MED12L: variants seen among roughly 807,000 people sequenced by gnomAD.
The protein encoded by MED12L is mediator of RNA polymerase II transcription subunit 12-like protein.
MED12L carries 60 observed loss-of-function variants against 281.3 expected under a neutral mutation model. The observed-to-expected ratio is 0.21, with a 90% CI of 0.17 to 0.26. MED12L has a LOEUF of 0.26. Ranked by LOEUF, MED12L falls within the 10% of genes least tolerant of loss-of-function variation. The pLI, the probability that MED12L is intolerant of heterozygous loss-of-function variation, is 1.00. For synonymous variants in MED12L, 974 were observed against 987.2 expected, an observed-to-expected ratio of 0.99 and a Z score of 0.25; for missense variants, 2,146 against 2,680.9, an observed-to-expected ratio of 0.80 and a Z score of 4.41.
intron 17 of MED12L, among the ~76,000 whole-genome samples, chr3:151,352,807 A>G (rs987439959): frequency 9.9e-5 from 15 of 152,128 alleles, no homozygotes; most frequent in Non-Finnish European, 1.3e-4. Flanking sequence ...ATATTAGTGA[A>G]GTTTACTATG....
intron 43 of MED12L, among the ~76,000 whole-genome samples, chr3:151,424,298 GTAC>G (rs1261191823): frequency 6.6e-6 from 1 of 152,200 alleles, no homozygotes; most frequent in East Asian, 1.9e-4. Context: ...ATTTGATATA[GTAC>G]TTTTTTCTTA....
chr3:151,353,560 A>G (rs1753512971), intron 17 of MED12L, among the ~76,000 whole-genome samples: 2 of 152,254 alleles, frequency 1.3e-5, no homozygotes, highest in African/African-American at 4.8e-5. Context: ...TTGTTAGGGA[A>G]TTAGAAAAGA....
chr3:151,323,897 A>G (rs1192996775), intron 16 of MED12L, among the ~76,000 whole-genome samples: 3 of 152,190 alleles, frequency 2.0e-5, no homozygotes, highest in Admixed American at 6.5e-5. Flanking sequence ...AGGTGCCACT[A>G]TTGCACCATT....
At chr3:151,295,283 A>T (rs1219185572) in intron 16 of MED12L, 4 of 939,588 alleles carry the variant, frequency 4.3e-6, no homozygotes, top group Non-Finnish European at 6.5e-6. Flanking sequence ...GTTCCCTTAC[A>T]GACCCAACTT....
intron 16 of MED12L, among the ~76,000 whole-genome samples, chr3:151,331,292 TG>T (rs1444446441): frequency 6.6e-6 from 1 of 152,196 alleles, no homozygotes; most frequent in Non-Finnish European, 1.5e-5. Flanking sequence ...GGAGGCCTTT[TG>T]CCCTTGAAGA....
At chr3:151,346,732 C>G (rs1752594265) in intron 16 of MED12L, among the ~76,000 whole-genome samples, 1 of 152,070 alleles carries the variant, frequency 6.6e-6, no homozygotes, top group East Asian at 1.9e-4. Flanking sequence ...GCCCTTCTTC[C>G]CTAAACATAA....
intron 44 of MED12L, among the ~76,000 whole-genome samples, chr3:151,432,132 C>T (rs544415111): frequency 2.6e-5 from 4 of 152,318 alleles, no homozygotes; most frequent in African/African-American, 9.6e-5. Context: ...ATGGGGCCTC[C>T]GGATTTGAAT....
intron 6 of MED12L, 30 bp downstream of exon 6, chr3:151,156,360 T>A: frequency 6.4e-7 from 1 of 1,551,102 alleles, no homozygotes; most frequent in Non-Finnish European, 8.7e-7. Flanking sequence ...CAGAGTTGTG[T>A]GCAATGCTTT....
chr3:151,352,815 A>C (rs912898565), intron 17 of MED12L, among the ~76,000 whole-genome samples: 1 of 152,214 alleles, frequency 6.6e-6, no homozygotes, highest in South Asian at 2.1e-4. Context: ...GAAGTTTACT[A>C]TGACAACCTT....
intron 16 of MED12L, among the ~76,000 whole-genome samples, chr3:151,264,769 G>T (rs959295747): frequency 6.6e-6 from 1 of 152,106 alleles, no homozygotes; most frequent in Non-Finnish European, 1.5e-5. Context: ...CCCAGTGCGT[G>T]TGTGTGTATG....
chr3:151,151,705 A>G (rs574350611), intron 5 of MED12L, among the ~76,000 whole-genome samples: 2 of 152,286 alleles, frequency 1.3e-5, no homozygotes, highest in Admixed American at 6.5e-5. Flanking sequence ...TGGCACCTCA[A>G]GACATTTACA....
In MED12L at chr3:151,125,354, T is replaced by C. The variant is rs58909007; in HGVS notation, c.396+2380T>C. Among the ~76,000 whole-genome samples, 1,127 of 152,334 alleles carry C rather than the reference T, an allele frequency of 7.4e-3. 66 individuals carry two copies. In the East Asian group the frequency reaches 0.14, roughly 18 times the overall value. On this transcript the variant is annotated intron_variant, in intron 4 of 44. Coordinates refer to ENST00000687756, the MANE Select transcript of MED12L (RefSeq NM_001393769.1). ...GCCAGTTCTCATGGGGTTCTGCTAG[T>C]ACGGAGACAGTGAGGTAGAGGTTTG...
intron 13 of MED12L, among the ~76,000 whole-genome samples, chr3:151,189,506 G>C (rs540755533): frequency 1.3e-5 from 2 of 152,228 alleles, no homozygotes; most frequent in East Asian, 1.9e-4. Flanking sequence ...TGCTTCCCTC[G>C]TTTCTTCCCC....
chr3:151,314,749 C>T (rs1323053822), intron 16 of MED12L, among the ~76,000 whole-genome samples: 3 of 152,114 alleles, frequency 2.0e-5, no homozygotes, highest in Non-Finnish European at 4.4e-5. Flanking sequence ...TCATTACCAA[C>T]CCCAGCGTCT....
At chr3:151,285,223 G>A (rs1295766494) in intron 16 of MED12L, among the ~76,000 whole-genome samples, 1 of 152,068 alleles carries the variant, frequency 6.6e-6, no homozygotes, top group Non-Finnish European at 1.5e-5. Flanking sequence ...GGTGGCTCAC[G>A]CCTGTAATCC....
intron 11 of MED12L, among the ~76,000 whole-genome samples, chr3:151,172,897 A>G (rs570039231): frequency 6.6e-5 from 10 of 152,206 alleles, no homozygotes; most frequent in African/African-American, 1.2e-4. Context: ...GTCTTTTACA[A>G]CTAGTATTTT....
rs140968689 is a variant in MED12L, at chr3:151,339,929, A to G, written c.2251-10130A>G. On this transcript the variant is annotated intron_variant, in intron 16 of 44. Transcript: ENST00000687756. ...AAATATTCTTAATAATCAGAGATAT[A>G]TTGAAAGTACAAATAACAAATTTTA... Among the ~76,000 whole-genome samples, 161 of 152,270 alleles carry G rather than the reference A, an allele frequency of 1.1e-3. 1 individual carries two copies. Among genetic ancestry groups the G allele is most frequent in the African/African-American group, 3.7e-3 (152 of 41,570 alleles).
intron 16 of MED12L, among the ~76,000 whole-genome samples, chr3:151,346,451 CCT>C (rs1752547929): frequency 6.6e-6 from 1 of 152,154 alleles, no homozygotes; most frequent in Admixed American, 6.6e-5. Context: ...TTCATCATCA[CCT>C]CTTACTTTAA....
rs540108964 is a variant in MED12L, at chr3:151,210,746, T to G, written c.2250+17080T>G. On this transcript the variant is annotated intron_variant, in intron 16 of 44. Coordinates refer to ENST00000687756, the MANE Select transcript of MED12L (RefSeq NM_001393769.1). ...TTTCTTTTCATTGGTGCCCCAGCAA[T>G]GGAAAAACTTTGTGACTTTTCGTAT... Among the ~76,000 whole-genome samples, 341 of 152,352 alleles carry G rather than the reference T, an allele frequency of 2.2e-3. 1 individual carries two copies. The highest frequency in any genetic ancestry group is 4.0e-3 in the Non-Finnish European group (269 of 68,032).
Sources: allele counts gnomAD v4.1 joint callset (sites outside exome capture counted in the v4.1 genomes callset), GRCh38; gene constraint gnomAD v4.1.1; transcripts MANE v1.5; gene names NCBI Gene and HGNC (gene_info 2026-07-23, HGNC 2026-07-21).